The following WDR49 variants were observed in gnomAD, a reference collection of about 807,000 sequenced individuals.
WDR49 encodes WD repeat domain 49, also known as cilia- and flagella-associated protein 337.
WDR49 carries 107 observed loss-of-function variants against 119.5 expected under a neutral mutation model. That is an observed-to-expected ratio of 0.90 (90% CI 0.77 to 1.05). The LOEUF is 1.05. WDR49 is among the 50% of genes least tolerant of loss of function. The probability of loss-of-function intolerance (pLI) is 0.00; values close to 1 mark genes in which losing one functional copy is unlikely to be tolerated. For missense variants in WDR49, 1,240 were observed against 1,220.5 expected (o/e 1.02, Z -0.24); for synonymous variants, 425 against 418.8 (o/e 1.01, Z -0.18).
intron 7 of WDR49, among the ~76,000 whole-genome samples, chr3:167,580,508 G>A (rs1714479545): frequency 6.6e-6 from 1 of 152,004 alleles, no homozygotes; most frequent in African/African-American, 2.4e-5. Flanking sequence ...TTATTCCCAG[G>A]CATTTCCTTT....
chr3:167,618,418 G>C (rs1716704373), intron 5 of WDR49, among the ~76,000 whole-genome samples: 1 of 152,054 alleles, frequency 6.6e-6, no homozygotes, highest in Admixed American at 6.6e-5. Context: ...AATAATTGTT[G>C]ATTGATTGAC....
At chr3:167,521,869 G>C (rs552930769) in intron 16 of WDR49, among the ~76,000 whole-genome samples, 1 of 152,058 alleles carries the variant, frequency 6.6e-6, no homozygotes, top group Non-Finnish European at 1.5e-5. Context: ...TTAAGGAAGT[G>C]ATGTCTAACT....
intron 10 of WDR49, among the ~76,000 whole-genome samples, chr3:167,540,542 T>A (rs976387401): frequency 6.6e-6 from 1 of 151,344 alleles, no homozygotes; most frequent in Non-Finnish European, 1.5e-5. Context: ...GACAAAAGAG[T>A]CTGAACAGCA....
At chr3:167,616,395 C>A (rs994876528) in intron 5 of WDR49, among the ~76,000 whole-genome samples, 1 of 152,066 alleles carries the variant, frequency 6.6e-6, no homozygotes, top group African/African-American at 2.4e-5. Context: ...TGACAATAGG[C>A]AAAGTAGAAC....
intron 16 of WDR49, among the ~76,000 whole-genome samples, chr3:167,516,009 T>C (rs987087607): frequency 3.3e-5 from 5 of 152,164 alleles, no homozygotes; most frequent in East Asian, 1.9e-4. Context: ...GAAAAACATT[T>C]CATGATCATG....
chr3:167,570,698 T>C, intron 8 of WDR49, among the ~76,000 whole-genome samples: 1 of 152,294 alleles, frequency 6.6e-6, no homozygotes, highest in East Asian at 1.9e-4. Flanking sequence ...TTACCTTTGG[T>C]ATATTTTTAT....
At chr3:167,591,700 G>A (rs1715122408) in intron 7 of WDR49, among the ~76,000 whole-genome samples, 1 of 151,992 alleles carries the variant, frequency 6.6e-6, no homozygotes, top group Admixed American at 6.6e-5. Context: ...TATTTTGTCT[G>A]ATATGAATAT....
intron 4 of WDR49, 92 bp downstream of exon 4, chr3:167,621,375 G>T: frequency 1.6e-6 from 2 of 1,239,272 alleles, no homozygotes; most frequent in Non-Finnish European, 2.1e-6. Context: ...AATTAAATTT[G>T]GAGGTCACAC....
chr3:167,653,500 C>T lies in WDR49; in HGVS notation c.-74-1G>A, dbSNP rs2108350931. 7.1e-7 allele frequency: 1 copy of T among 1,398,894 alleles called. No individual in the cohort carries two copies. Among genetic ancestry groups the T allele is most frequent in the Non-Finnish European group, 9.3e-7 (1 of 1,078,398 alleles). The allele number at this position is 1,398,894 out of a possible 1,614,324, so 86.7% of individuals were successfully genotyped here. On this transcript the variant is annotated splice_acceptor_variant, in intron 1 of 18. Coordinates refer to ENST00000682715, the MANE Select transcript of WDR49 (RefSeq NM_001366157.1). LOFTEE classifies it low-confidence loss of function (5UTR_SPLICE). ...ATCTTCTTTTTCCTTCAACAGGTGCCTTTGAAAAGAAACTCAACTTAGCAA... is the reference window on the plus strand; with the variant it reads ...ATCTTCTTTTTCCTTCAACAGGTGCTTTTGAAAAGAAACTCAACTTAGCAA...
At chr3:167,577,958 A>T (rs1260242601) in intron 7 of WDR49, among the ~76,000 whole-genome samples, 13 of 152,140 alleles carry the variant, frequency 8.5e-5, no homozygotes, top group Admixed American at 8.5e-4. Flanking sequence ...GTACATAGAC[A>T]CACCTCACAA....
chr3:167,572,871 G>C (rs6788437), intron 8 of WDR49, among the ~76,000 whole-genome samples: 3 of 152,112 alleles, frequency 2.0e-5, no homozygotes, highest in African/African-American at 7.3e-5. Flanking sequence ...CTGCAATGGC[G>C]AAGAAGAGAA....
At chr3:167,480,029 G>A (rs954370449) in intron 18 of WDR49, among the ~76,000 whole-genome samples, 1 of 151,818 alleles carries the variant, frequency 6.6e-6, no homozygotes, top group Non-Finnish European at 1.5e-5. Flanking sequence ...TCAGGAGTTC[G>A]AGACTAGCCT....
intron 18 of WDR49, among the ~76,000 whole-genome samples, chr3:167,480,247 T>TAAAAAAAAAA (rs1162973369): frequency 1.8e-5 from 1 of 55,070 alleles, no homozygotes; most frequent in African/African-American, 8.1e-5. Context: ...AGACTCTGTC[T>TAAAAAAAAAA]AAAAAAAAAA....
chr3:167,634,254 A>T lies in WDR49; in HGVS notation c.166-6962T>A, dbSNP rs550840512. On this transcript the variant is annotated intron_variant, in intron 2 of 18. Coordinates refer to ENST00000682715, the MANE Select transcript of WDR49 (RefSeq NM_001366157.1). ...AGAACTCCTCTTCTAATAAAGGTGA[A>T]AATTATATGAGCCATTAGAAAACAT... Among the ~76,000 whole-genome samples the T allele has an allele frequency of 1.1e-4, 17 of 152,040 alleles. No individual in the cohort carries two copies. In the South Asian group the frequency reaches 3.5e-3, roughly 32 times the overall value.
intron 8 of WDR49, among the ~76,000 whole-genome samples, chr3:167,562,033 G>C (rs1351395781): frequency 6.6e-6 from 1 of 152,034 alleles, no homozygotes; most frequent in African/African-American, 2.4e-5. Flanking sequence ...GCAAGCTGAA[G>C]ATGGAATTTT....
chr3:167,546,735 A>G (rs1712229680), intron 10 of WDR49, among the ~76,000 whole-genome samples: 1 of 151,444 alleles, frequency 6.6e-6, no homozygotes, highest in Non-Finnish European at 1.5e-5. Context: ...CCTTTTTTCT[A>G]GGATGAATGA....
At chr3:167,610,869 AG>A (rs1416621097) in intron 5 of WDR49, among the ~76,000 whole-genome samples, 1 of 152,246 alleles carries the variant, frequency 6.6e-6, no homozygotes, top group Non-Finnish European at 1.5e-5. Context: ...TTTGGGGGAC[AG>A]TAAGGGAGAG....
chr3:167,620,392 G>T, intron 5 of WDR49, 37 bp downstream of exon 5: 3 of 1,514,856 alleles, frequency 2.0e-6, no homozygotes, highest in Non-Finnish European at 2.6e-6. Context: ...CAAGTCAGAG[G>T]TGACCATTTA....
chr3:167,621,315 G>A (rs1055877300), intron 4 of WDR49, among the ~76,000 whole-genome samples, 152 bp downstream of exon 4: 2 of 152,064 alleles, frequency 1.3e-5, no homozygotes, highest in African/African-American at 2.4e-5. Flanking sequence ...AAGACAAATT[G>A]TGACCTAATC....
Sources: gnomAD v4.1 joint callset for allele counts (sites outside exome capture counted in the v4.1 genomes callset) on GRCh38, gnomAD v4.1.1 for gene constraint, MANE v1.5 for transcripts, NCBI Gene and HGNC (gene_info 2026-07-23, HGNC 2026-07-21) for gene names.